The following MALT1 variants were observed in gnomAD, a reference collection of about 807,000 sequenced individuals.
MALT1 encodes MALT1 paracaspase.
In MALT1, 36 loss-of-function variants were observed where a neutral mutation model predicts 85.5. That is an observed-to-expected ratio of 0.42 (90% CI 0.32 to 0.56). MALT1 has a LOEUF of 0.56. MALT1 is among the 20% of genes least tolerant of loss of function. The probability of loss-of-function intolerance (pLI) is 0.10; values close to 1 mark genes in which losing one functional copy is unlikely to be tolerated. For synonymous variants in MALT1, 359 were observed against 361.3 expected, an observed-to-expected ratio of 0.99 and a Z score of 0.07; for missense variants, 716 against 981.6, an observed-to-expected ratio of 0.73 and a Z score of 3.62.
intron 12 of MALT1, 152 bp from the exon 13 acceptor site, chr18:58,735,050 C>T (rs1036863854): frequency 3.6e-5 from 18 of 501,746 alleles, no homozygotes; most frequent in Admixed American, 1.1e-4. Context: ...GACTAACAGT[C>T]CCCACGCTGT....
rs1256464817 is a variant in MALT1 at position 58,696,404 on chromosome 18, T to C, written c.415T>C (p.Leu139=). The change falls in exon 3 of 17, where the codon TTG becomes CTG. Residue 139 remains leucine, a synonymous_variant. Transcript: ENST00000649217. ...ITVNPESKAV[L]AGQFVKLCCR... ...TGTAAACCCAGAGTCAAAGGCAGTC[T>C]TGGCTGGACAGTTTGTGAAACTGTG... 1 of 1,581,300 alleles carries C rather than the reference T, an allele frequency of 6.3e-7. No homozygotes were observed. The highest frequency in any genetic ancestry group is 1.2e-5 in the South Asian group (1 of 84,178).
intron 1 of MALT1, among the ~76,000 whole-genome samples, chr18:58,673,792 T>C (rs1048163162): frequency 2.6e-5 from 4 of 152,114 alleles, no homozygotes; most frequent in East Asian, 1.9e-4. Context: ...GTTTCAGAGT[T>C]TGGGATTGAG....
chr18:58,737,784 T>C (rs574109588), intron 13 of MALT1, among the ~76,000 whole-genome samples: 6 of 152,254 alleles, frequency 3.9e-5, no homozygotes, highest in African/African-American at 7.2e-5. Context: ...GGTTTCGCCA[T>C]GTTGGCCAGG....
chr18:58,743,046 A>AAC (rs2055323129), intron 14 of MALT1, among the ~76,000 whole-genome samples: 1 of 152,088 alleles, frequency 6.6e-6, no homozygotes, highest in African/African-American at 2.4e-5. Flanking sequence ...TATTTAATGA[A>AAC]CTTCTATAAA....
intron 11 of MALT1, 163 bp downstream of exon 11, chr18:58,733,737 A>C (rs565381894): frequency 1.4e-6 from 1 of 734,410 alleles, no homozygotes; most frequent in East Asian, 2.8e-5. Flanking sequence ...TACTCCATGT[A>C]TATCTAATTA....
chr18:58,735,400 CCT>C, intron 13 of MALT1, 71 bp downstream of exon 13: 1 of 1,486,826 alleles, frequency 6.7e-7, no homozygotes, highest in East Asian at 2.3e-5. Flanking sequence ...TTCAGGGTTC[CCT>C]CTCTGGTGAT....
In MALT1 at chr18:58,680,374, G is replaced by GT. The variant is rs1165303744; in HGVS notation, c.210-789dup. Among the ~76,000 whole-genome samples the GT allele has an allele frequency of 2.6e-5, 4 of 151,936 alleles. No homozygotes were observed. The East Asian group carries it at 5.8e-4, about 22-fold the overall frequency. The stretch of plus-strand genomic sequence containing the variant: ...GACCTATGCCTTTACCTCAGGCTCA[G>GT]TTTTTTTAATGAATTAACAGTATTT... On this transcript the variant is annotated intron_variant, in intron 1 of 16. Coordinates refer to ENST00000649217, the MANE Select transcript of MALT1 (RefSeq NM_006785.4).
In MALT1 at chr18:58,754,002, A is replaced by C. The variant is rs1413473525; in HGVS notation, c.*6160A>C. 2.0e-5 allele frequency: 3 copies of C among 152,230 alleles called. No individual in the cohort carries two copies. The highest frequency in any genetic ancestry group is 2.9e-5 in the Non-Finnish European group (2 of 68,044). The allele number at this position is 152,230 out of a possible 1,614,324, so 9.4% of individuals were successfully genotyped here. ...AGTATTTCTACATTAATAAGTTGCT[A>C]ATTAGGCACCAGGGTAGCAGATAGA... On this transcript the variant is annotated 3_prime_UTR_variant, in exon 17 of 17. Transcript: ENST00000649217.
At chr18:58,742,054 TTAACGTTAAATCA>T (rs1346291611) in intron 14 of MALT1, 40 bp downstream of exon 14, 2 of 1,398,164 alleles carry the variant, frequency 1.4e-6, no homozygotes, top group Admixed American at 4.4e-5. Context: ...TACAATATAC[TTAACGTTAAATCA>T]TAAAGTTTCT....
chr18:58,700,878 G>A (rs1602300964), intron 4 of MALT1, among the ~76,000 whole-genome samples: 2 of 151,816 alleles, frequency 1.3e-5, no homozygotes, highest in East Asian at 3.9e-4. Flanking sequence ...TGCAACTTCC[G>A]CCTCCCAGGT....
rs141066322 is a variant in MALT1, at chr18:58,678,625, A to G, written c.210-2545A>G. ...GATAAAACATGAAACAAGTCTGCAC[A>G]TGACTGCTTAAGGCCCAAATCCAGG... On this transcript the variant is annotated intron_variant, in intron 1 of 16. Transcript: ENST00000649217. Among the ~76,000 whole-genome samples, 642 of 152,328 alleles carry G rather than the reference A, an allele frequency of 4.2e-3. 7 individuals carry two copies. Among genetic ancestry groups the G allele is most frequent in the African/African-American group, 0.014 (593 of 41,572 alleles).
intron 2 of MALT1, among the ~76,000 whole-genome samples, chr18:58,694,851 C>T (rs2054564530): frequency 6.6e-6 from 1 of 152,234 alleles, no homozygotes. Context: ...GGCTCTCTCA[C>T]AGGTGTTGTC....
chr18:58,733,319 C>A, intron 10 of MALT1, 78 bp from the exon 11 acceptor site: 3 of 933,102 alleles, frequency 3.2e-6, no homozygotes, highest in Non-Finnish European at 4.9e-6. Context: ...GGTTTTTCTA[C>A]AAAAAGTTAT....
chr18:58,710,789 T>G, intron 6 of MALT1, 132 bp from the exon 7 acceptor site: 1 of 620,732 alleles, frequency 1.6e-6, no homozygotes, highest in Non-Finnish European at 2.8e-6. Flanking sequence ...ATATTGTTCA[T>G]AGTTGGAGGT....
intron 13 of MALT1, among the ~76,000 whole-genome samples, chr18:58,737,581 A>C (rs1362357343): frequency 6.6e-6 from 1 of 151,706 alleles, no homozygotes; most frequent in Non-Finnish European, 1.5e-5. Context: ...TTCTTTTTTT[A>C]ATTTTTTGGT....
At position 58,692,395 on chromosome 18, in the gene MALT1, C is replaced by A. The variant is rs183465669; in HGVS notation, c.377-3971C>A. 3.7e-3 allele frequency among the ~76,000 whole-genome samples: 553 copies of A among 149,284 alleles called. 3 individuals are homozygous for A. The highest frequency in any genetic ancestry group is 0.013 in the African/African-American group (514 of 41,006). ...GTCATGTGTATTCCAACTGCTCCAC[C>A]GACTGGCCATTCCTCTCTCTCTCTC... On this transcript the variant is annotated intron_variant, in intron 2 of 16. Coordinates refer to ENST00000649217, the MANE Select transcript of MALT1 (RefSeq NM_006785.4).
intron 4 of MALT1, among the ~76,000 whole-genome samples, chr18:58,701,375 T>C (rs2054670379): frequency 6.6e-6 from 1 of 152,224 alleles, no homozygotes; most frequent in Admixed American, 6.5e-5. Flanking sequence ...GAATACCTTT[T>C]CTGTCTGTCA....
At chr18:58,678,774 A>G (rs959189116) in intron 1 of MALT1, among the ~76,000 whole-genome samples, 1 of 152,240 alleles carries the variant, frequency 6.6e-6, no homozygotes, top group Non-Finnish European at 1.5e-5. Context: ...TCTAAAATAT[A>G]TCCTTGCTGG....
intron 16 of MALT1, 91 bp from the exon 17 acceptor site, chr18:58,747,314 T>G (rs767550444): frequency 1.1e-4 from 89 of 788,402 alleles, no homozygotes; most frequent in Non-Finnish European, 1.8e-4. Flanking sequence ...AGTGGATTTT[T>G]GGGGGTGGGG....
Sources: allele counts gnomAD v4.1 joint callset (sites outside exome capture counted in the v4.1 genomes callset), GRCh38; gene constraint gnomAD v4.1.1; transcripts MANE v1.5; gene names NCBI Gene and HGNC (gene_info 2026-07-23, HGNC 2026-07-21).